Variants in USHBP1 observed in about 807,000 individuals in gnomAD.
USHBP1 encodes the protein USH1 protein network component harmonin binding protein 1.
USHBP1 carries 67 observed loss-of-function variants against 76.2 expected under a neutral mutation model. That is an observed-to-expected ratio of 0.88 (90% CI 0.72 to 1.08). USHBP1 has a LOEUF of 1.08. Ranked by LOEUF, USHBP1 falls within the 50% of genes least tolerant of loss-of-function variation. USHBP1 has a pLI of 0.00. For missense variants in USHBP1, 931 were observed against 915.0 expected (o/e 1.02, Z -0.23); for synonymous variants, 322 against 362.2 (o/e 0.89, Z 1.26).
chr19:17,263,997 C>G lies in USHBP1; in HGVS notation c.203+5G>C. ...AGTGAAGGGCACAGACCAAGCGGGT[C>G]TTACCTGCTTCCTAGGCCTTGGCCA... On this transcript the variant is annotated splice_donor_5th_base_variant and intron_variant, in intron 3 of 12. Transcript: ENST00000252597. The G allele has an allele frequency of 6.3e-7, 1 of 1,575,464 alleles. No homozygotes were observed.
chr19:17,259,437 C>T lies in USHBP1; in HGVS notation c.906-8G>A, dbSNP rs373148974. ...TTGAGCTTCTCAATGCTCCTGTTCC[C>T]GAAGGTGGGGAAGAGGGAAAGTCAG... On this transcript the variant is annotated splice_region_variant and splice_polypyrimidine_tract_variant and intron_variant, in intron 6 of 12. Transcript: ENST00000252597. 6.4e-5 allele frequency: 104 copies of T among 1,613,846 alleles called. No homozygotes were observed. Among genetic ancestry groups the T allele is most frequent in the East Asian group, 1.3e-4 (6 of 44,892 alleles).
In USHBP1 at chr19:17,256,524, CT is replaced by C; in HGVS notation, c.1416del (p.Ala473LeufsTer24). The C allele has an allele frequency of 6.2e-7, 1 of 1,614,008 alleles. No homozygotes were observed. Among genetic ancestry groups the C allele is most frequent in the Non-Finnish European group, 8.5e-7 (1 of 1,180,010 alleles). On this transcript the variant is annotated frameshift_variant, in exon 9 of 13. Coordinates refer to ENST00000252597, the MANE Select transcript of USHBP1 (RefSeq NM_031941.4). LOFTEE classifies it high-confidence loss of function. ...TGTGTCTTCTCCAGTCGGGGAAGAGCTGGGCCAGCCTGGGTCCCCAGAATGG... is the reference window on the plus strand; with the variant it reads ...TGTGTCTTCTCCAGTCGGGGAAGAGCGGGCCAGCCTGGGTCCCCAGAATGG... ...VQAILGTQAG[P>X]ALPRLEKTQI...
chr19:17,259,272 T>C lies in USHBP1; in HGVS notation c.1046+17A>G. The C allele has an allele frequency of 1.3e-6, 2 of 1,582,878 alleles. No individual in the cohort carries two copies. Among genetic ancestry groups the C allele is most frequent in the Non-Finnish European group, 1.7e-6 (2 of 1,162,438 alleles). ...CTCCCTCCCCAGCTGGTGACATCAC[T>C]GGCAGGGTGCACTGACCTGTACTGC... On this transcript the variant is annotated intron_variant, in intron 7 of 12. Transcript: ENST00000252597.
In USHBP1 at chr19:17,258,258, C is replaced by CT; in HGVS notation, c.1173dup (p.Glu392ArgfsTer18). ...GCTCCTGCATCCATGGCAGCCTCCT[C>CT]TTGTGCCAGCAGCCTCCATGCTTCC... is the stretch of plus-strand genomic sequence containing the variant. On this transcript the variant is annotated frameshift_variant, in exon 8 of 13. Transcript: ENST00000252597. LOFTEE classifies it high-confidence loss of function. 6.2e-7 allele frequency: 1 copy of CT among 1,614,156 alleles called. No homozygotes were observed. The highest frequency in any genetic ancestry group is 8.5e-7 in the Non-Finnish European group (1 of 1,180,046).
Position 17,251,596 on chromosome 19 carries a change from T to A in USHBP1, c.1908A>T (p.Leu636Phe), listed in dbSNP as rs2073552253. The A allele has an allele frequency of 3.1e-6, 5 of 1,613,946 alleles. No individual in the cohort carries two copies. Among genetic ancestry groups the A allele is most frequent in the Non-Finnish European group, 2.5e-6 (3 of 1,179,928 alleles). Residue 636 changes from leucine (L) to phenylalanine (F), a missense_variant, in exon 12 of 13, where the codon TTA becomes TTT. Transcript: ENST00000252597. ...AACAGTCCTACCTGTGGGCTTTGCA[T>A]AAATCCCTGTTCAGCTCGGCACTCT... ...RSQSAELNRD[L>F]CKAHSALVLA...
At chr19:17,255,307 A>C in intron 10 of USHBP1, 78 bp downstream of exon 10, 1 of 1,469,290 alleles carries the variant, frequency 6.8e-7, no homozygotes, top group Non-Finnish European at 9.1e-7. Flanking sequence ...AAAACAAAAA[A>C]AAAAAGGCTG....
At chr19:17,250,497 G>A in intron 12 of USHBP1, 83 bp from the exon 13 acceptor site, 4 of 1,491,498 alleles carry the variant, frequency 2.7e-6, no homozygotes, top group Non-Finnish European at 3.6e-6. Context: ...TCCCAGAATG[G>A]GGGCTCTTTC....
chr19:17,250,366 T>C lies in USHBP1; in HGVS notation c.1971A>G (p.Gln657=), dbSNP rs748228895. ...FRGAHRKQEE[Q]RRKLEQQMAL... is the part of the protein sequence containing the mutation. ...CCATCTGCTGCTCCAACTTCCGGCG[T>C]TGCTCTTCCTGCTTCCGGTGGGCTC... Residue 657 remains glutamine (Q), a synonymous_variant, in exon 13 of 13, where the codon CAA becomes CAG. Coordinates refer to ENST00000252597, the MANE Select transcript of USHBP1 (RefSeq NM_031941.4). 5.6e-6 allele frequency: 9 copies of C among 1,613,602 alleles called. No individual in the cohort carries two copies. The highest frequency in any genetic ancestry group is 1.3e-5 in the African/African-American group (1 of 75,016).
chr19:17,252,756 G>A (rs1393419269), intron 10 of USHBP1, among the ~76,000 whole-genome samples: 3 of 150,910 alleles, frequency 2.0e-5, no homozygotes, highest in Admixed American at 6.6e-5. Flanking sequence ...GCATGGTGGC[G>A]GGCACCTGGA....
At chr19:17,258,441 G>A in intron 7 of USHBP1, 56 bp from the exon 8 acceptor site, 1 of 1,570,720 alleles carries the variant, frequency 6.4e-7, no homozygotes. Flanking sequence ...GGGTGCAATG[G>A]CCCTCACCTG....
At chr19:17,251,448 G>T in intron 12 of USHBP1, 134 bp downstream of exon 12, 1 of 1,247,166 alleles carries the variant, frequency 8.0e-7, no homozygotes, top group Non-Finnish European at 1.1e-6. Flanking sequence ...ACAGGTGTGA[G>T]CCACCACACC....
Position 17,264,496 on chromosome 19 carries a change from T to C in USHBP1, c.-48-149A>G, listed in dbSNP as rs1204801844. 6 of 620,954 alleles carry C rather than the reference T, an allele frequency of 9.7e-6. No homozygotes were observed. In the African/African-American group the frequency reaches 1.1e-4, roughly 11 times the overall value. The allele number at this position is 620,954 out of a possible 1,614,324, so 38.5% of individuals were successfully genotyped here. A position where few individuals can be genotyped will look rare whatever the true frequency, so the allele number is the denominator to read the frequency against. On this transcript the variant is annotated intron_variant, in intron 1 of 12. Coordinates refer to ENST00000252597, the MANE Select transcript of USHBP1 (RefSeq NM_031941.4). ...GATTGGGCAGATTTGAATGCCTCCC[T>C]GGACAGGGAGCTCACTACCTAAGAA...
chr19:17,254,437 C>A (rs968143920), intron 10 of USHBP1, among the ~76,000 whole-genome samples: 1 of 151,714 alleles, frequency 6.6e-6, no homozygotes, highest in African/African-American at 2.4e-5. Flanking sequence ...GGGCGCATCA[C>A]CTGAGGTTCA....
intron 1 of USHBP1, 84 bp from the exon 2 acceptor site, chr19:17,264,431 C>T (rs1426877312): frequency 1.0e-5 from 11 of 1,067,088 alleles, no homozygotes; most frequent in African/African-American, 1.6e-5. Flanking sequence ...TGAAATGGGG[C>T]ACTGACTACC....
chr19:17,259,151 C>A (rs189672763), intron 7 of USHBP1, 138 bp downstream of exon 7: 2 of 1,267,624 alleles, frequency 1.6e-6, no homozygotes, highest in Non-Finnish European at 2.1e-6. Flanking sequence ...GGCAACACAG[C>A]GAGATTCTGT....
chr19:17,252,907 A>G (rs1035318022), intron 10 of USHBP1, among the ~76,000 whole-genome samples: 1 of 152,072 alleles, frequency 6.6e-6, no homozygotes, highest in Non-Finnish European at 1.5e-5. Flanking sequence ...ACAACAAAAA[A>G]ACAAAAACAA....
In USHBP1 at chr19:17,264,308, A is replaced by C; in HGVS notation, c.-9T>G. The C allele has an allele frequency of 6.2e-7, 1 of 1,610,004 alleles. No individual in the cohort carries two copies. Among genetic ancestry groups the C allele is most frequent in the Non-Finnish European group, 8.5e-7 (1 of 1,178,776 alleles). On this transcript the variant is annotated 5_prime_UTR_variant, in exon 2 of 13. Transcript: ENST00000252597. ...GTGGCCCGGGCACTCATTGCTGTCC[A>C]GAAGCCAGTGCCCTCTGAATGCTTC...
Position 17,255,568 on chromosome 19 carries a change from C to T in USHBP1, c.1509G>A (p.Val503=). ...LADLMLRLQL[V]RREKRGLELR... ...GCTCTAGGCCCCGCTTCTCACGCCG[C>T]ACCAGCTGCAGCCGAAGCATCAGGT... Residue 503 remains valine (V), a synonymous_variant, in exon 10 of 13, where the codon GTG becomes GTA. Transcript: ENST00000252597. The T allele has an allele frequency of 6.2e-7, 1 of 1,612,782 alleles. No homozygotes were observed. The highest frequency in any genetic ancestry group is 8.5e-7 in the Non-Finnish European group (1 of 1,179,264).
intron 4 of USHBP1, among the ~76,000 whole-genome samples, chr19:17,260,358 C>A (rs1171409873): frequency 1.3e-5 from 2 of 152,138 alleles, no homozygotes; most frequent in African/African-American, 4.8e-5. Flanking sequence ...GAGATGGAGT[C>A]TTGCTCTGTT....
Sources: allele counts gnomAD v4.1 joint callset (sites outside exome capture counted in the v4.1 genomes callset), GRCh38; gene constraint gnomAD v4.1.1; transcripts MANE v1.5; gene names NCBI Gene and HGNC (gene_info 2026-07-23, HGNC 2026-07-21).